RBBP7: variants seen among roughly 807,000 people sequenced by gnomAD.
RBBP7 encodes the protein histone-binding protein RBBP7.
A neutral mutation model predicts 35.2 loss-of-function variants in RBBP7; 5 were observed. That is an observed-to-expected ratio of 0.14 (90% CI 0.07 to 0.30). The LOEUF is 0.30. RBBP7 is among the 10% of genes least tolerant of loss of function. The probability of loss-of-function intolerance (pLI) is 1.00; values close to 1 mark genes in which losing one functional copy is unlikely to be tolerated. For synonymous variants in RBBP7, 140 were observed against 118.7 expected (o/e 1.18, Z -1.17); for missense variants, 155 against 327.5 (o/e 0.47, Z 4.07).
rs781385619 is a variant in RBBP7, at chrX:16,857,581, A to G, written c.597+13T>C. 1 of 1,210,493 alleles carries G rather than the reference A, an allele frequency of 8.3e-7. No homozygotes were observed. Among genetic ancestry groups the G allele is most frequent in the Non-Finnish European group, 1.1e-6 (1 of 895,030 alleles). ...TCACTATATGAACAAATTACAAAGA[A>G]TACGTTTCTCACATGGTCATCAGAT... On this transcript the variant is annotated intron_variant, in intron 5 of 11. Coordinates refer to ENST00000380087, the MANE Select transcript of RBBP7 (RefSeq NM_002893.4).
chrX:16,847,843 G>C (rs1414930564), intron 10 of RBBP7: 8 of 110,825 alleles, frequency 7.2e-5, no homozygotes. Flanking sequence ...TGGGATTCCA[G>C]GCAGGAGCCA....
chrX:16,854,904 G>A (rs1362573852), intron 5 of RBBP7, among the ~76,000 whole-genome samples: 3 of 109,106 alleles, frequency 2.7e-5, no homozygotes, highest in Non-Finnish European at 5.7e-5. Context: ...ATAGGGCAAC[G>A]ATTCTCATTC....
At chrX:16,854,397 T>C (rs770716471) in intron 5 of RBBP7, among the ~76,000 whole-genome samples, 10 of 109,686 alleles carry the variant, frequency 9.1e-5, no homozygotes, top group Non-Finnish European at 1.9e-4. Context: ...GCAAGGACAC[T>C]GATGCTGGAA....
chrX:16,861,752 G>T (rs755978418), intron 3 of RBBP7, among the ~76,000 whole-genome samples: 6 of 111,615 alleles, frequency 5.4e-5, no homozygotes, highest in Non-Finnish European at 3.8e-5. Context: ...CAGCAGTCTG[G>T]GTGCTTAGCC....
Position 16,869,207 on chromosome X carries a change from A to G in RBBP7, c.30T>C (p.Thr10=). Residue 10 remains threonine (T), a synonymous_variant, in exon 2 of 12, where the codon ACT becomes ACC. Coordinates refer to ENST00000380087, the MANE Select transcript of RBBP7 (RefSeq NM_002893.4). MASKEMFED[T]VEERVINEEY... The stretch of plus-strand genomic sequence containing the variant: ...CTTCATTGATGACACGCTCCTCCAC[A>G]GTATCTTCAAACACTGAAATTTGGA... The G allele has an allele frequency of 8.3e-7, 1 of 1,205,480 alleles. No homozygotes were observed. Among genetic ancestry groups the G allele is most frequent in the South Asian group, 1.8e-5 (1 of 55,405 alleles).
intron 2 of RBBP7, among the ~76,000 whole-genome samples, chrX:16,865,002 G>A (rs866280894): frequency 4.2e-5 from 4 of 94,604 alleles, no homozygotes; most frequent in Non-Finnish European, 6.0e-5. Context: ...GGGCTACTAC[G>A]GAAGACTGCT....
chrX:16,847,781 G>C (rs887149452), intron 10 of RBBP7: 1 of 108,298 alleles, frequency 9.2e-6, no homozygotes, highest in African/African-American at 3.4e-5. Flanking sequence ...TCCCAGCCTG[G>C]TCTTGAACTT....
At chrX:16,851,993 A>T in intron 9 of RBBP7, 53 bp downstream of exon 9, 1 of 1,052,464 alleles carries the variant, frequency 9.5e-7, no homozygotes. Context: ...TGACTATGTA[A>T]CTTGCCAGAT....
Position 16,852,639 on chromosome X carries a change from A to G in RBBP7, c.886-11T>C. 1 of 1,209,068 alleles carries G rather than the reference A, an allele frequency of 8.3e-7. No individual in the cohort carries two copies. On this transcript the variant is annotated splice_polypyrimidine_tract_variant and intron_variant, in intron 7 of 11. Coordinates refer to ENST00000380087, the MANE Select transcript of RBBP7 (RefSeq NM_002893.4). ...CCATAAAGCTACGGTCTAAAGAAAAATAACAAGTGAAAATGATTTCTATGC... is the reference window on the plus strand; with the variant it reads ...CCATAAAGCTACGGTCTAAAGAAAAGTAACAAGTGAAAATGATTTCTATGC...
chrX:16,853,149 G>A (rs747836981), intron 6 of RBBP7: 37 of 312,560 alleles, frequency 1.2e-4, no homozygotes, highest in East Asian at 9.4e-4. Flanking sequence ...ACTATGTAGA[G>A]AATAATGTCA....
intron 5 of RBBP7, among the ~76,000 whole-genome samples, chrX:16,855,995 CAAAAAAAAAAAAAA>C (rs754398259): frequency 1.3e-4 from 2 of 15,995 alleles, no homozygotes; most frequent in African/African-American, 1.7e-4. Context: ...GACCTTGTCT[CAAAAAAAAAAAAAA>C]AAAAAAAAAA....
chrX:16,845,973 T>C, intron 10 of RBBP7, 35 bp from the exon 11 acceptor site: 1 of 1,192,786 alleles, frequency 8.4e-7, no homozygotes, highest in South Asian at 1.9e-5. Flanking sequence ...TGATTTCATA[T>C]ACTCTCCTGT....
intron 3 of RBBP7, 152 bp from the exon 4 acceptor site, chrX:16,859,001 A>C: frequency 2.5e-6 from 2 of 815,834 alleles, no homozygotes; most frequent in Non-Finnish European, 3.3e-6. Context: ...AAACCCAAAA[A>C]TGTGGGTTCA....
chrX:16,866,232 T>C (rs768170293), intron 2 of RBBP7, among the ~76,000 whole-genome samples: 78 of 111,206 alleles, frequency 7.0e-4, no homozygotes, highest in African/African-American at 2.3e-3. Flanking sequence ...TTCTTAGAGA[T>C]ACTTAAATAA....
chrX:16,858,529 T>C (rs754661948), intron 4 of RBBP7, 147 bp downstream of exon 4: 3 of 891,448 alleles, frequency 3.4e-6, no homozygotes, highest in East Asian at 6.6e-5. Flanking sequence ...TTCTGGCAAA[T>C]CCCTGAACTT....
Position 16,869,154 on chromosome X carries a change from G to A in RBBP7, c.83C>T (p.Pro28Leu). The A allele has an allele frequency of 8.3e-7, 1 of 1,208,755 alleles. No individual in the cohort carries two copies. Among genetic ancestry groups the A allele is most frequent in the Non-Finnish European group, 1.1e-6 (1 of 892,914 alleles). Residue 28 changes from proline (P) to leucine (L), a missense_variant, in exon 2 of 12, where the codon CCG (proline) becomes CTG (leucine). Coordinates refer to ENST00000380087, the MANE Select transcript of RBBP7 (RefSeq NM_002893.4). ...GGTCATAACCAGGTCATATAGAAACGGTGTATTCTTCTTCCAGATTTTATA... is the reference window on the plus strand; with the variant it reads ...GGTCATAACCAGGTCATATAGAAACAGTGTATTCTTCTTCCAGATTTTATA... ...EEYKIWKKNT[P>L]FLYDLVMTHA... is the part of the protein sequence containing the mutation.
chrX:16,870,100 G>A lies in RBBP7; in HGVS notation c.-47C>T. On this transcript the variant is annotated 5_prime_UTR_variant, in exon 1 of 12. The change creates a new upstream start codon in the 5' untranslated region. Transcript: ENST00000380087. Reference sequence around the variant, plus strand: ...CTCGCCGCCGCCTCGGACTCCTCTCGTTAGCCAAGAGCAGCCCGACCGCTG... The same window carrying A: ...CTCGCCGCCGCCTCGGACTCCTCTCATTAGCCAAGAGCAGCCCGACCGCTG... 1 of 1,065,174 alleles carries A rather than the reference G, an allele frequency of 9.4e-7. No individual in the cohort carries two copies. The allele number at this position is 1,065,174 out of a possible 1,213,427, so 87.8% of individuals were successfully genotyped here. A position where few individuals can be genotyped will look rare whatever the true frequency, so the allele number is the denominator to read the frequency against.
intron 2 of RBBP7, among the ~76,000 whole-genome samples, chrX:16,865,274 A>C (rs1930587342): frequency 9.0e-6 from 1 of 111,074 alleles, no homozygotes; most frequent in African/African-American, 3.3e-5. Context: ...AATATTTAAA[A>C]AGAGAAATAA....
intron 1 of RBBP7, chrX:16,869,462 G>T (rs1930713681): frequency 2.6e-6 from 3 of 1,159,664 alleles, no homozygotes; most frequent in Admixed American, 5.2e-5. Context: ...CACGGACATG[G>T]AAATTGTTTA....
Sources: allele counts gnomAD v4.1 joint callset (sites outside exome capture counted in the v4.1 genomes callset), GRCh38; gene constraint gnomAD v4.1.1; transcripts MANE v1.5; gene names NCBI Gene and HGNC (gene_info 2026-07-23, HGNC 2026-07-21).